The following DIS3L2 variants were observed in gnomAD, a reference collection of about 807,000 sequenced individuals.
The protein encoded by DIS3L2 is DIS3 like 3'-5' exoribonuclease 2, also known as DIS3-like exonuclease 2.
Under a neutral mutation model 97.5 loss-of-function variants are expected in DIS3L2, and 34 were observed. The observed-to-expected ratio is 0.35, with a 90% CI of 0.27 to 0.46. DIS3L2 has a LOEUF of 0.46. Among genes scored for constraint, DIS3L2 ranks in the 20% least tolerant of loss-of-function variants. The pLI is 1.00. For synonymous variants in DIS3L2, 435 were observed against 445.2 expected (o/e 0.98, Z 0.29); for missense variants, 1,038 against 1,146.0 (o/e 0.91, Z 1.36).
At chr2:232,237,196 T>G (rs550286358) in intron 10 of DIS3L2, among the ~76,000 whole-genome samples, 2 of 152,366 alleles carry the variant, frequency 1.3e-5, no homozygotes, top group South Asian at 2.1e-4. Context: ...CTATATTTGA[T>G]AGGTGATTTA....
intron 1 of DIS3L2, among the ~76,000 whole-genome samples, chr2:231,993,626 C>T (rs988196325): frequency 1.3e-5 from 2 of 152,120 alleles, no homozygotes. Flanking sequence ...CACACAGATC[C>T]TAAAATGATA....
intron 10 of DIS3L2, among the ~76,000 whole-genome samples, chr2:232,211,589 T>C (rs1248645610): frequency 6.6e-6 from 1 of 152,216 alleles, no homozygotes; most frequent in South Asian, 2.1e-4. Context: ...GCCTTTGACA[T>C]TTGCCCAATG....
intron 5 of DIS3L2, among the ~76,000 whole-genome samples, chr2:232,084,799 C>T (rs532253331): frequency 1.4e-5 from 2 of 145,606 alleles, no homozygotes; most frequent in African/African-American, 5.0e-5. Context: ...CAGTTTTGCT[C>T]AAAAAAAAAA....
intron 1 of DIS3L2, among the ~76,000 whole-genome samples, chr2:231,970,293 T>TA (rs1442525806): frequency 2.0e-5 from 3 of 152,216 alleles, no homozygotes; most frequent in Admixed American, 1.3e-4. Context: ...GATTTTCAAA[T>TA]ACAGCCATTT....
intron 1 of DIS3L2, among the ~76,000 whole-genome samples, chr2:231,976,009 C>T (rs1007419680): frequency 1.3e-5 from 2 of 152,034 alleles, no homozygotes; most frequent in Non-Finnish European, 2.9e-5. Flanking sequence ...CACACACACA[C>T]CCCTGTTTAA....
In DIS3L2 at chr2:232,030,050, C is replaced by A. The variant is rs755653632; in HGVS notation, c.336C>A (p.Val112=). 1 of 1,610,456 alleles carries A rather than the reference C, an allele frequency of 6.2e-7. No homozygotes were observed. The highest frequency in any genetic ancestry group is 1.1e-5 in the South Asian group (1 of 90,276). The change falls in exon 5 of 21, where the codon GTC becomes GTA. Residue 112 remains valine (V), a synonymous_variant. Transcript: ENST00000325385. Reference sequence around the variant, plus strand: ...GAGCCTTAAATGGGGATCTGGTGGTCGTGAAACTGCTTCCCGAGGAGCATT... The same window carrying A: ...GAGCCTTAAATGGGGATCTGGTGGTAGTGAAACTGCTTCCCGAGGAGCATT... The part of the protein sequence containing the change: ...RNRALNGDLV[V]VKLLPEEHWK...
intron 5 of DIS3L2, among the ~76,000 whole-genome samples, chr2:232,047,067 T>C (rs868233782): frequency 1.3e-5 from 2 of 152,248 alleles, no homozygotes; most frequent in Admixed American, 1.3e-4. Flanking sequence ...GTTTAATACA[T>C]GTTTGTCACA....
chr2:232,295,001 C>T (rs1020425186), intron 13 of DIS3L2, among the ~76,000 whole-genome samples: 3 of 152,128 alleles, frequency 2.0e-5, no homozygotes, highest in Admixed American at 2.0e-4. Context: ...CATATGCTGC[C>T]GTATTGTATC....
intron 9 of DIS3L2, among the ~76,000 whole-genome samples, chr2:232,202,705 C>T (rs770149578): frequency 6.6e-6 from 1 of 152,124 alleles, no homozygotes; most frequent in African/African-American, 2.4e-5. Flanking sequence ...TGTCACTTTA[C>T]CACTGAGTGT....
At chr2:232,310,958 T>G (rs1695111344) in intron 14 of DIS3L2, among the ~76,000 whole-genome samples, 1 of 152,252 alleles carries the variant, frequency 6.6e-6, no homozygotes, top group Non-Finnish European at 1.5e-5. Flanking sequence ...TTTTCAGCTG[T>G]GTTGAGTCAG....
intron 9 of DIS3L2, among the ~76,000 whole-genome samples, chr2:232,171,839 T>C (rs1351702738): frequency 6.6e-6 from 1 of 152,202 alleles, no homozygotes; most frequent in East Asian, 1.9e-4. Context: ...ATAAAATTCA[T>C]GTTGATAAAT....
chr2:232,124,538 GTA>G (rs1698000994), intron 6 of DIS3L2, among the ~76,000 whole-genome samples: 1 of 152,116 alleles, frequency 6.6e-6, no homozygotes, highest in South Asian at 2.1e-4. Context: ...ATTATTCAGA[GTA>G]TTGCAATGGA....
At chr2:232,172,564 C>G (rs535948647) in intron 9 of DIS3L2, 1 of 395,436 alleles carries the variant, frequency 2.5e-6, no homozygotes, top group Non-Finnish European at 5.4e-6. Flanking sequence ...GGTTGATTCC[C>G]CAGCTTGACT....
Position 232,130,600 on chromosome 2 carries a change from CTT to C in DIS3L2, c.602-17_602-16del. On this transcript the variant is annotated splice_polypyrimidine_tract_variant and intron_variant, in intron 6 of 20. Coordinates refer to ENST00000325385, the MANE Select transcript of DIS3L2 (RefSeq NM_152383.5). ...ATCTGGTTGATGACTCCTCTTCTCT[CTT>C]TATCTTTTTAATGTAGGAAGAGAGG... is the stretch of plus-strand genomic sequence containing the variant. 1 of 1,603,260 alleles carries C rather than the reference CTT, an allele frequency of 6.2e-7. No individual in the cohort carries two copies. Among genetic ancestry groups the C allele is most frequent in the Non-Finnish European group, 8.5e-7 (1 of 1,175,728 alleles).
In DIS3L2 at chr2:232,024,907, A is replaced by G. The variant is rs1032254942; in HGVS notation, c.264+577A>G. ...CCACTTAAATCAAGTTTACACTGATATATAGTTAGCAGCAGTTCTCTAGAG... is the reference window on the plus strand; with the variant it reads ...CCACTTAAATCAAGTTTACACTGATGTATAGTTAGCAGCAGTTCTCTAGAG... On this transcript the variant is annotated intron_variant, in intron 4 of 20. Transcript: ENST00000325385. Among the ~76,000 whole-genome samples the G allele has an allele frequency of 9.9e-5, 15 of 152,172 alleles. No individual in the cohort carries two copies. In the South Asian group the frequency reaches 1.5e-3, roughly 15 times the overall value.
At chr2:232,234,669 T>A (rs1692885631) in intron 10 of DIS3L2, among the ~76,000 whole-genome samples, 1 of 152,234 alleles carries the variant, frequency 6.6e-6, no homozygotes, top group Non-Finnish European at 1.5e-5. Context: ...CTATGTTACA[T>A]TTATGTAGTT....
intron 16 of DIS3L2, among the ~76,000 whole-genome samples, chr2:232,333,047 A>G (rs1183628439): frequency 6.6e-6 from 1 of 151,926 alleles, no homozygotes; most frequent in South Asian, 2.1e-4. Context: ...TGTCTCCAGC[A>G]GACAGCGTCT....
At chr2:232,061,928 G>A (rs926634701) in intron 5 of DIS3L2, among the ~76,000 whole-genome samples, 2 of 152,146 alleles carry the variant, frequency 1.3e-5, no homozygotes, top group Non-Finnish European at 2.9e-5. Context: ...GCCCAAACAA[G>A]GTTAAAACGG....
At chr2:231,976,011 C>T (rs1487110813) in intron 1 of DIS3L2, among the ~76,000 whole-genome samples, 8 of 151,998 alleles carry the variant, frequency 5.3e-5, no homozygotes, top group African/African-American at 1.9e-4. Context: ...CACACACACC[C>T]CTGTTTAAGA....
Sources: allele counts gnomAD v4.1 joint callset (sites outside exome capture counted in the v4.1 genomes callset), GRCh38; gene constraint gnomAD v4.1.1; transcripts MANE v1.5; gene names NCBI Gene and HGNC (gene_info 2026-07-23, HGNC 2026-07-21).